Variants in GOLIM4 observed in about 807,000 individuals in gnomAD.
GOLIM4 encodes golgi integral membrane protein 4, also known as 130 kDa golgi-localized phosphoprotein.
A neutral mutation model predicts 107.4 loss-of-function variants in GOLIM4; 71 were observed. That is an observed-to-expected ratio of 0.66 (90% CI 0.55 to 0.81). The LOEUF (loss-of-function observed/expected upper bound fraction) is 0.81, where lower values mean the gene tolerates loss of function less well. Ranked by LOEUF, GOLIM4 falls within the 30% of genes least tolerant of loss-of-function variation. GOLIM4 has a pLI of 0.00. For synonymous variants in GOLIM4, 327 were observed against 294.8 expected, an observed-to-expected ratio of 1.11 and a Z score of -1.12; for missense variants, 830 against 826.1, an observed-to-expected ratio of 1.00 and a Z score of -0.06.
intron 5 of GOLIM4, among the ~76,000 whole-genome samples, chr3:168,043,149 G>A (rs937498442): frequency 6.6e-6 from 1 of 152,130 alleles, no homozygotes; most frequent in Admixed American, 6.5e-5. Context: ...TGAGATACAA[G>A]AGAATACACT....
chr3:168,055,578 CATGAGGT>C (rs1719904410), intron 1 of GOLIM4, among the ~76,000 whole-genome samples: 2 of 152,092 alleles, frequency 1.3e-5, no homozygotes, highest in Non-Finnish European at 2.9e-5. Flanking sequence ...GTGGAGGGAT[CATGAGGT>C]CAGGAGATCA....
Position 168,036,876 on chromosome 3 carries a change from T to C in GOLIM4, c.803A>G (p.Tyr268Cys). The C allele has an allele frequency of 6.2e-7, 1 of 1,614,048 alleles. No individual in the cohort carries two copies. Among genetic ancestry groups the C allele is most frequent in the Non-Finnish European group, 8.5e-7 (1 of 1,179,926 alleles). The change falls in exon 8 of 16, where the codon TAC becomes TGC. Residue 268 changes from tyrosine to cysteine, a missense_variant. Tyr to Cys is a radical substitution (Grantham distance 194). Transcript: ENST00000470487. ...VTQVAHSPQG[Y>C]NTAREKPTRE... The stretch of plus-strand genomic sequence containing the variant: ...GGTTGGCTTCTCCCTTGCTGTGTTG[T>C]AACCTTGTGGAGAATGTGCCACCTG...
At chr3:168,020,300 T>C (rs1170548514) in intron 14 of GOLIM4, among the ~76,000 whole-genome samples, 1 of 152,198 alleles carries the variant, frequency 6.6e-6, no homozygotes, top group African/African-American at 2.4e-5. Flanking sequence ...TGGGCATATA[T>C]ACACAGATAG....
intron 1 of GOLIM4, among the ~76,000 whole-genome samples, chr3:168,077,794 G>A (rs973856249): frequency 2.6e-5 from 4 of 151,972 alleles, no homozygotes; most frequent in African/African-American, 7.3e-5. Context: ...AGTTGTCACA[G>A]AAAGAAATTC....
chr3:168,058,167 G>T (rs1720079943), intron 1 of GOLIM4, among the ~76,000 whole-genome samples: 1 of 152,114 alleles, frequency 6.6e-6, no homozygotes, highest in Admixed American at 6.6e-5. Context: ...GTACAATAAA[G>T]TTACTGTAAT....
At chr3:168,049,938 C>T (rs1719519920) in intron 1 of GOLIM4, among the ~76,000 whole-genome samples, 1 of 152,158 alleles carries the variant, frequency 6.6e-6, no homozygotes, top group Non-Finnish European at 1.5e-5. Context: ...CTATTCACAC[C>T]TCTGCTAACA....
At chr3:168,074,974 T>C (rs916322773) in intron 1 of GOLIM4, among the ~76,000 whole-genome samples, 6 of 152,170 alleles carry the variant, frequency 3.9e-5, no homozygotes, top group East Asian at 1.9e-4. Flanking sequence ...GTAGGTGTTA[T>C]AGTTAAAAAT....
chr3:168,025,166 C>A, intron 12 of GOLIM4, 71 bp from the exon 13 acceptor site: 2 of 1,243,688 alleles, frequency 1.6e-6, no homozygotes, highest in Non-Finnish European at 1.1e-6. Context: ...TTTGAAAAGG[C>A]TGCCCACTGG....
intron 1 of GOLIM4, among the ~76,000 whole-genome samples, chr3:168,084,787 G>A (rs1429645705): frequency 2.0e-5 from 3 of 152,092 alleles, no homozygotes; most frequent in East Asian, 1.9e-4. Context: ...AATGTGCCTC[G>A]AACACACTCT....
intron 1 of GOLIM4, among the ~76,000 whole-genome samples, chr3:168,062,716 C>T (rs1156389343): frequency 6.6e-6 from 1 of 152,126 alleles, no homozygotes; most frequent in African/African-American, 2.4e-5. Context: ...AAAAGGGGAA[C>T]CTCACCTCAT....
At chr3:168,062,275 C>T (rs1720314733) in intron 1 of GOLIM4, among the ~76,000 whole-genome samples, 1 of 152,098 alleles carries the variant, frequency 6.6e-6, no homozygotes, top group Non-Finnish European at 1.5e-5. Context: ...CTGTCTGGTG[C>T]CATCACTGGA....
At chr3:168,028,685 C>T (rs1043341851) in intron 11 of GOLIM4, among the ~76,000 whole-genome samples, 1 of 152,154 alleles carries the variant, frequency 6.6e-6, no homozygotes, top group Admixed American at 6.5e-5. Context: ...GATATCACAA[C>T]GGGCTATTGA....
intron 1 of GOLIM4, among the ~76,000 whole-genome samples, chr3:168,069,874 G>A (rs1577562544): frequency 6.6e-6 from 1 of 152,088 alleles, no homozygotes; most frequent in South Asian, 2.1e-4. Context: ...TATTTCCTTA[G>A]TGTTACATAA....
At chr3:168,018,759 A>G (rs1260576651) in intron 14 of GOLIM4, among the ~76,000 whole-genome samples, 1 of 152,198 alleles carries the variant, frequency 6.6e-6, no homozygotes, top group African/African-American at 2.4e-5. Context: ...ATTAACAAAG[A>G]CATGTCTTTT....
rs1415708529 is a variant in GOLIM4, at chr3:168,009,292, T to C, written c.*977A>G. 6.6e-6 allele frequency: 1 copy of C among 151,808 alleles called. No individual in the cohort carries two copies. The highest frequency in any genetic ancestry group is 1.5e-5 in the Non-Finnish European group (1 of 67,954). The allele number at this position is 151,808 out of a possible 1,614,324, so 9.4% of individuals were successfully genotyped here. The stretch of plus-strand genomic sequence containing the variant: ...CATATAGTTTTGAAAAATAATCCTA[T>C]TTGCAGTTTGGTATGTCTTCATATT... On this transcript the variant is annotated 3_prime_UTR_variant, in exon 16 of 16. Transcript: ENST00000470487.
chr3:168,059,308 C>T (rs866958711), intron 1 of GOLIM4, among the ~76,000 whole-genome samples: 8 of 152,212 alleles, frequency 5.3e-5, no homozygotes, highest in African/African-American at 1.9e-4. Context: ...GGTTGGAATG[C>T]ACCTAACTAC....
rs767116701 is a variant in GOLIM4, at chr3:168,027,847, CA to C, written c.1514-11del. On this transcript the variant is annotated splice_polypyrimidine_tract_variant and intron_variant, in intron 11 of 15. Transcript: ENST00000470487. ...TTGTCTCTTTCATAGGCTAGCAAAT[CA>C]AAGGAACTAAAATCAGCCCAAAATG... is the stretch of plus-strand genomic sequence containing the variant. 4 of 1,551,452 alleles carry C rather than the reference CA, an allele frequency of 2.6e-6. 1 individual carries two copies. The South Asian group carries it at 4.5e-5, about 17-fold the overall frequency.
chr3:168,039,476 C>A (rs1214164645), intron 7 of GOLIM4, among the ~76,000 whole-genome samples: 2 of 151,942 alleles, frequency 1.3e-5, no homozygotes, highest in African/African-American at 4.8e-5. Context: ...GTTGGCCAGG[C>A]TGGTCTCAAA....
intron 1 of GOLIM4, among the ~76,000 whole-genome samples, chr3:168,050,060 T>G (rs2108255346): frequency 6.6e-6 from 1 of 152,198 alleles, no homozygotes. Context: ...AGGCAGTCAT[T>G]GCAATAATCC....
Sources: gnomAD v4.1 joint callset for allele counts (sites outside exome capture counted in the v4.1 genomes callset) on GRCh38, gnomAD v4.1.1 for gene constraint, MANE v1.5 for transcripts, NCBI Gene and HGNC (gene_info 2026-07-23, HGNC 2026-07-21) for gene names.